Variants in ACSM2B observed in about 807,000 individuals in gnomAD.
ACSM2B encodes acyl-CoA synthetase medium chain family member 2B, also known as acyl-coenzyme A synthetase ACSM2B, mitochondrial.
In ACSM2B, 58 loss-of-function variants were observed where a neutral mutation model predicts 78.6. The ratio of observed to expected loss-of-function variants is 0.74; its 90% CI spans 0.60 to 0.92. ACSM2B has a LOEUF of 0.92. Among genes scored for constraint, ACSM2B ranks in the 40% least tolerant of loss-of-function variants. The pLI is 0.00. For missense variants in ACSM2B, 688 were observed against 711.2 expected, an observed-to-expected ratio of 0.97 and a Z score of 0.37; for synonymous variants, 257 against 256.8, an observed-to-expected ratio of 1.00 and a Z score of -0.01.
rs1310881419 is a variant in ACSM2B at position 20,553,819 on chromosome 16, T to A, written c.698A>T (p.His233Leu). ...CTTGAGGCCCAGGCTCGAGTAGGAA[T>A]GTTCTGCCATCTTGGGAAGACCACT... ...GTSGLPKMAE[H>L]SYSSLGLKAK... is the part of the protein sequence containing the mutation. The change falls in exon 5 of 14, where the codon CAT (histidine) becomes CTT (leucine). Residue 233 changes from histidine to leucine, a missense_variant. Transcript: ENST00000329697. The A allele has an allele frequency of 6.2e-7, 1 of 1,612,746 alleles. No individual in the cohort carries two copies. The highest frequency in any genetic ancestry group is 2.2e-5 in the East Asian group (1 of 44,814).
intron 1 of ACSM2B, chr16:20,574,741 C>A (rs1192930540): frequency 3.3e-5 from 5 of 149,428 alleles, no homozygotes; most frequent in Non-Finnish European, 7.4e-5. Context: ...AGGTCAGCCA[C>A]TAACATGATA....
chr16:20,561,012 T>G (rs561915589), intron 2 of ACSM2B, among the ~76,000 whole-genome samples: 17 of 152,182 alleles, frequency 1.1e-4, no homozygotes, highest in African/African-American at 4.1e-4. Context: ...CAGAAGAAAT[T>G]TTTAAGCAAC....
At chr16:20,554,022 T>G (rs549990504) in intron 4 of ACSM2B, 102 bp from the exon 5 acceptor site, 3 of 1,351,532 alleles carry the variant, frequency 2.2e-6, no homozygotes, top group Non-Finnish European at 2.1e-6. Context: ...AAAGGGCAAG[T>G]TGATGGACCC....
At chr16:20,558,280 A>C (rs2015538442) in intron 3 of ACSM2B, among the ~76,000 whole-genome samples, 1 of 151,392 alleles carries the variant, frequency 6.6e-6, no homozygotes, top group Non-Finnish European at 1.5e-5. Context: ...TTGACTCAAC[A>C]CAAGAAGACA....
At chr16:20,555,957 T>G (rs1468849389) in intron 3 of ACSM2B, among the ~76,000 whole-genome samples, 1 of 152,154 alleles carries the variant, frequency 6.6e-6, no homozygotes, top group Non-Finnish European at 1.5e-5. Context: ...CCTTCAGTTT[T>G]ACATATCTAT....
chr16:20,566,474 T>C (rs1277420646), intron 1 of ACSM2B, among the ~76,000 whole-genome samples: 1 of 120,158 alleles, frequency 8.3e-6, no homozygotes, highest in Non-Finnish European at 1.7e-5. Context: ...AATGTAATAT[T>C]ATATATTATA....
At chr16:20,566,076 A>G (rs925407263) in intron 1 of ACSM2B, among the ~76,000 whole-genome samples, 9 of 147,066 alleles carry the variant, frequency 6.1e-5, no homozygotes, top group Admixed American at 4.2e-4. Context: ...AATAATATAT[A>G]TACTATGTAT....
intron 3 of ACSM2B, 135 bp from the exon 4 acceptor site, chr16:20,555,611 T>C (rs1179180386): frequency 4.8e-6 from 7 of 1,473,530 alleles, no homozygotes; most frequent in Non-Finnish European, 6.3e-6. Flanking sequence ...AGAACGTCAA[T>C]AAAAAAGGGG....
chr16:20,561,822 T>C (rs2152142944), intron 2 of ACSM2B, among the ~76,000 whole-genome samples: 1 of 151,176 alleles, frequency 6.6e-6, no homozygotes, highest in Middle Eastern at 3.4e-3. Context: ...GCTTAACTCA[T>C]CATTTAACAT....
chr16:20,556,306 A>C (rs1427356968), intron 3 of ACSM2B, among the ~76,000 whole-genome samples: 1 of 152,238 alleles, frequency 6.6e-6, no homozygotes, highest in Non-Finnish European at 1.5e-5. Flanking sequence ...CTTCTGTAGA[A>C]TAACTAGACT....
At chr16:20,545,475 C>A (rs1416275883) in intron 9 of ACSM2B, among the ~76,000 whole-genome samples, 1 of 152,114 alleles carries the variant, frequency 6.6e-6, no homozygotes, top group African/African-American at 2.4e-5. Context: ...GAGACTGGCC[C>A]AGATGAGCCT....
Position 20,553,809 on chromosome 16 carries a change from C to T in ACSM2B, c.708G>A (p.Ser236=), listed in dbSNP as rs747849079. The stretch of plus-strand genomic sequence containing the variant: ...CCATCTTGGCCTTGAGGCCCAGGCT[C>T]GAGTAGGAATGTTCTGCCATCTTGG... ...GLPKMAEHSY[S]SLGLKAKMDA... The change falls in exon 5 of 14, where the codon TCG becomes TCA. Residue 236 remains serine (S), a synonymous_variant. Coordinates refer to ENST00000329697, the MANE Select transcript of ACSM2B (RefSeq NM_001105069.2). 2.5e-6 allele frequency: 4 copies of T among 1,612,056 alleles called. No homozygotes were observed. The highest frequency in any genetic ancestry group is 1.3e-5 in the African/African-American group (1 of 75,010).
chr16:20,549,691 G>A lies in ACSM2B; in HGVS notation c.895-1218C>T, dbSNP rs149175957. On this transcript the variant is annotated intron_variant, in intron 6 of 13. Coordinates refer to ENST00000329697, the MANE Select transcript of ACSM2B (RefSeq NM_001105069.2). ...AGCCCTCAGGAGGTCCTGAGAACACGTGCCCAAGGTGGTCAGGGTGCACTT... is the reference window on the plus strand; with the variant it reads ...AGCCCTCAGGAGGTCCTGAGAACACATGCCCAAGGTGGTCAGGGTGCACTT... The A allele has an allele frequency of 4.0e-4, 167 of 417,130 alleles. 2 individuals are homozygous for A. The East Asian group carries it at 8.3e-3, about 21-fold the overall frequency. 25.8% of individuals were successfully genotyped at this position (417,130 alleles called of 1,614,324 possible).
At chr16:20,563,132 ATAAT>A (rs2015716745) in intron 2 of ACSM2B, among the ~76,000 whole-genome samples, 2 of 152,198 alleles carry the variant, frequency 1.3e-5, no homozygotes, top group Admixed American at 1.3e-4. Flanking sequence ...ATGTCTTGTG[ATAAT>A]TAAACTAATT....
chr16:20,540,644 A>C lies in ACSM2B; in HGVS notation c.1629+10T>G. 1 of 1,613,248 alleles carries C rather than the reference A, an allele frequency of 6.2e-7. No homozygotes were observed. Among genetic ancestry groups the C allele is most frequent in the Non-Finnish European group, 8.5e-7 (1 of 1,179,492 alleles). On this transcript the variant is annotated intron_variant, in intron 13 of 13. Transcript: ENST00000329697. ...CAAGTTTGAGTGACTTGGGAGCTCA[A>C]AGGCCTTACCTTTCTTGGGTACTTG...
intron 4 of ACSM2B, chr16:20,554,195 C>A (rs1285858275): frequency 1.7e-6 from 1 of 596,508 alleles, no homozygotes; most frequent in Admixed American, 2.3e-5. Flanking sequence ...AAAGTGAGAT[C>A]AAGTCTTATA....
intron 1 of ACSM2B, among the ~76,000 whole-genome samples, chr16:20,567,975 T>A (rs1278191529): frequency 7.0e-6 from 1 of 143,484 alleles, no homozygotes; most frequent in Admixed American, 7.3e-5. Flanking sequence ...ATTTTATATA[T>A]AAAATATTCA....
intron 9 of ACSM2B, 79 bp downstream of exon 9, chr16:20,546,315 C>A: frequency 6.5e-7 from 1 of 1,528,768 alleles, no homozygotes; most frequent in Non-Finnish European, 8.8e-7. Flanking sequence ...ATTTTTGACT[C>A]AATAAACAAT....
intron 2 of ACSM2B, among the ~76,000 whole-genome samples, chr16:20,559,742 G>T (rs189867545): frequency 6.6e-6 from 1 of 150,596 alleles, no homozygotes; most frequent in East Asian, 1.9e-4. Context: ...ATGATAAAGT[G>T]TACTTTTCAA....
Sources: allele counts gnomAD v4.1 joint callset (sites outside exome capture counted in the v4.1 genomes callset), GRCh38; gene constraint gnomAD v4.1.1; transcripts MANE v1.5; gene names NCBI Gene and HGNC (gene_info 2026-07-23, HGNC 2026-07-21).